EPHA6: variants seen among roughly 807,000 people sequenced by gnomAD.
EPHA6 encodes EPH receptor A6.
Under a neutral mutation model 112.0 loss-of-function variants are expected in EPHA6, and 50 were observed. That is an observed-to-expected ratio of 0.45 (90% confidence interval 0.36 to 0.56). EPHA6 has a LOEUF of 0.56. Among genes scored for constraint, EPHA6 ranks in the 20% least tolerant of loss-of-function variants. The pLI is 0.00. For missense variants in EPHA6, 1,280 were observed against 1,417.4 expected, an observed-to-expected ratio of 0.90 and a Z score of 1.56; for synonymous variants, 529 against 490.7, an observed-to-expected ratio of 1.08 and a Z score of -1.03.
At chr3:97,707,722 C>T (rs371146467) in intron 14 of EPHA6, among the ~76,000 whole-genome samples, 55 of 152,276 alleles carry the variant, frequency 3.6e-4, no homozygotes, top group Middle Eastern at 3.4e-3. Flanking sequence ...TATCCCCACA[C>T]GTCGAGGGAG....
At chr3:96,964,036 T>C (rs958415398) in intron 2 of EPHA6, among the ~76,000 whole-genome samples, 1 of 152,102 alleles carries the variant, frequency 6.6e-6, no homozygotes, top group Non-Finnish European at 1.5e-5. Flanking sequence ...TATTTGTGGG[T>C]CCTAATAGGT....
chr3:97,423,809 G>A (rs569252147), intron 6 of EPHA6, among the ~76,000 whole-genome samples: 8 of 152,238 alleles, frequency 5.3e-5, no homozygotes, highest in Admixed American at 2.0e-4. Flanking sequence ...CAGATACCTA[G>A]ACTAATGCAA....
intron 5 of EPHA6, among the ~76,000 whole-genome samples, chr3:97,355,418 C>T (rs1442104952): frequency 6.6e-6 from 1 of 151,930 alleles, no homozygotes; most frequent in Non-Finnish European, 1.5e-5. Context: ...GTTTGTTAGT[C>T]CATTTGTTTG....
intron 14 of EPHA6, among the ~76,000 whole-genome samples, chr3:97,700,461 T>C (rs999370300): frequency 1.2e-4 from 18 of 152,170 alleles, no homozygotes; most frequent in African/African-American, 4.3e-4. Flanking sequence ...GAGGTGAACC[T>C]GGCACTCCTA....
chr3:96,864,765 G>A (rs1314057531), intron 1 of EPHA6, among the ~76,000 whole-genome samples: 3 of 151,938 alleles, frequency 2.0e-5, no homozygotes, highest in Non-Finnish European at 2.9e-5. Context: ...ACTTAAACAG[G>A]AATGCCAACT....
At chr3:96,947,216 T>A (rs1187913178) in intron 2 of EPHA6, among the ~76,000 whole-genome samples, 4 of 152,204 alleles carry the variant, frequency 2.6e-5, no homozygotes, top group African/African-American at 9.7e-5. Context: ...TGGCTTTTGT[T>A]GCCATTGCTT....
chr3:96,832,052 C>A (rs910473272), intron 1 of EPHA6, among the ~76,000 whole-genome samples: 2 of 152,038 alleles, frequency 1.3e-5, no homozygotes, highest in African/African-American at 4.8e-5. Context: ...TTATTGACAA[C>A]CTTACCATGA....
intron 3 of EPHA6, among the ~76,000 whole-genome samples, chr3:97,127,852 G>A (rs916074868): frequency 2.6e-5 from 4 of 151,958 alleles, no homozygotes; most frequent in Admixed American, 2.0e-4. Flanking sequence ...TGAAAGCTGT[G>A]AAATTCAATA....
chr3:97,084,101 G>GATATATATCC (rs2046813521), intron 3 of EPHA6, among the ~76,000 whole-genome samples: 1 of 103,576 alleles, frequency 9.7e-6, no homozygotes, highest in Non-Finnish European at 2.0e-5. Context: ...TGTGTGCATG[G>GATATATATCC]ATATATATAT....
intron 14 of EPHA6, among the ~76,000 whole-genome samples, chr3:97,644,445 G>A (rs1254090309): frequency 6.6e-6 from 1 of 150,904 alleles, no homozygotes; most frequent in Non-Finnish European, 1.5e-5. Flanking sequence ...GATCAGAGCA[G>A]AACTGAAGGA....
At chr3:96,913,161 T>TACACACAC (rs768422240) in intron 2 of EPHA6, among the ~76,000 whole-genome samples, 233 of 123,228 alleles carry the variant, frequency 1.9e-3, no homozygotes, top group African/African-American at 2.3e-3. Context: ...AGACCCCGTC[T>TACACACAC]ACACACACAC....
intron 2 of EPHA6, among the ~76,000 whole-genome samples, chr3:96,893,749 A>G (rs979141685): frequency 6.6e-6 from 1 of 152,208 alleles, no homozygotes; most frequent in Non-Finnish European, 1.5e-5. Flanking sequence ...TCTCAGCACC[A>G]TGACAGTTAT....
At chr3:97,101,802 A>G (rs747737244) in intron 3 of EPHA6, among the ~76,000 whole-genome samples, 3 of 152,106 alleles carry the variant, frequency 2.0e-5, no homozygotes, top group Non-Finnish European at 4.4e-5. Context: ...TTGATTAAAT[A>G]TCTTCTTATT....
rs1175724773 is a variant in EPHA6 at position 96,885,660 on chromosome 3, T to C, written c.450+18771T>C. The stretch of plus-strand genomic sequence containing the variant: ...GCCAGTGCTCTATCAATTTTATTTA[T>C]CTTTAAAAAGAACCAGGGTTTTTTT... On this transcript the variant is annotated intron_variant, in intron 2 of 17. Transcript: ENST00000389672. Among the ~76,000 whole-genome samples the C allele has an allele frequency of 2.6e-5, 4 of 152,312 alleles. No homozygotes were observed. The East Asian group carries it at 7.7e-4, about 29-fold the overall frequency.
chr3:97,501,036 A>G (rs368656819), intron 10 of EPHA6, among the ~76,000 whole-genome samples: 2 of 152,164 alleles, frequency 1.3e-5, no homozygotes, highest in Non-Finnish European at 2.9e-5. Flanking sequence ...ATTTGGGATA[A>G]CAGTTCTGGA....
intron 5 of EPHA6, among the ~76,000 whole-genome samples, chr3:97,291,305 C>T (rs556198170): frequency 3.9e-5 from 6 of 152,264 alleles, no homozygotes; most frequent in African/African-American, 9.6e-5. Flanking sequence ...TATAATCTAT[C>T]GTGGAGAATA....
intron 12 of EPHA6, among the ~76,000 whole-genome samples, chr3:97,609,819 A>T (rs184501345): frequency 6.6e-6 from 1 of 151,648 alleles, no homozygotes; most frequent in South Asian, 2.1e-4. Context: ...AACTGTGCAT[A>T]GTGCAGATTG....
chr3:96,929,926 CT>C (rs1391615945), intron 2 of EPHA6, among the ~76,000 whole-genome samples: 4 of 152,044 alleles, frequency 2.6e-5, no homozygotes. Context: ...TTTATTCATT[CT>C]TTTTTGTCTT....
At chr3:96,970,462 G>C (rs970715269) in intron 2 of EPHA6, among the ~76,000 whole-genome samples, 1 of 151,940 alleles carries the variant, frequency 6.6e-6, no homozygotes, top group Non-Finnish European at 1.5e-5. Flanking sequence ...AAATGCTATG[G>C]CTAGGTTAGG....
Sources: gnomAD v4.1 joint callset for allele counts (sites outside exome capture counted in the v4.1 genomes callset) on GRCh38, gnomAD v4.1.1 for gene constraint, MANE v1.5 for transcripts, NCBI Gene and HGNC (gene_info 2026-07-23, HGNC 2026-07-21) for gene names.